The following TMEM266 variants were observed in gnomAD, a reference collection of about 807,000 sequenced individuals.
TMEM266 encodes the protein transmembrane protein 266.
TMEM266 carries 33 observed loss-of-function variants against 50.5 expected under a neutral mutation model. That is an observed-to-expected ratio of 0.65 (90% confidence interval 0.50 to 0.87). The LOEUF (loss-of-function observed/expected upper bound fraction) is 0.87. Ranked by LOEUF, TMEM266 falls within the 40% of genes least tolerant of loss-of-function variation. TMEM266 has a pLI of 0.00. For synonymous variants in TMEM266, 310 were observed against 292.3 expected, an observed-to-expected ratio of 1.06 and a Z score of -0.62; for missense variants, 655 against 695.1, an observed-to-expected ratio of 0.94 and a Z score of 0.65.
At chr15:76,105,017 A>G (rs2959835) in intron 1 of TMEM266, among the ~76,000 whole-genome samples, 43,762 of 152,016 alleles carry the variant, frequency 0.29, 6,662 homozygotes, top group African/African-American at 0.37. Context: ...CAGGTTCACA[A>G]CCTGTCCTTA....
Position 76,160,772 on chromosome 15 carries a change from G to A in TMEM266, c.456+604G>A, listed in dbSNP as rs1165779526. Among the ~76,000 whole-genome samples the A allele has an allele frequency of 2.6e-5, 4 of 152,200 alleles. 1 individual carries two copies. Among genetic ancestry groups the A allele is most frequent in the South Asian group, 4.1e-4 (2 of 4,832 alleles). ...TCAGGGAGCACGGATCGCCGTCAGCGTTGCTGGAGTCGGCTAGTAGAGACC... is the reference window on the plus strand; with the variant it reads ...TCAGGGAGCACGGATCGCCGTCAGCATTGCTGGAGTCGGCTAGTAGAGACC... On this transcript the variant is annotated intron_variant, in intron 5 of 10. Coordinates refer to ENST00000388942, the MANE Select transcript of TMEM266 (RefSeq NM_152335.3). The surrounding 1 kb of genome is among the most constrained non-coding windows in gnomAD (Gnocchi z 5.7).
chr15:76,077,253 C>T (rs951599291), intron 1 of TMEM266, among the ~76,000 whole-genome samples: 1 of 152,058 alleles, frequency 6.6e-6, no homozygotes, highest in East Asian at 1.9e-4. Flanking sequence ...TGTGAACCAC[C>T]GTGCCTGGCC....
chr15:76,179,042 C>G (rs2038349760), intron 8 of TMEM266, among the ~76,000 whole-genome samples: 1 of 152,162 alleles, frequency 6.6e-6, no homozygotes, highest in South Asian at 2.1e-4. Context: ...GACTGGGTAA[C>G]AGATACCCTG....
chr15:76,104,289 G>A (rs1054576711), intron 1 of TMEM266, among the ~76,000 whole-genome samples: 2 of 152,092 alleles, frequency 1.3e-5, no homozygotes, highest in Admixed American at 6.6e-5. Flanking sequence ...GCCACGTATG[G>A]CTCTTTAAAT....
intron 1 of TMEM266, among the ~76,000 whole-genome samples, chr15:76,070,116 T>C (rs992310230): frequency 6.6e-6 from 1 of 152,198 alleles, no homozygotes; most frequent in Admixed American, 6.5e-5. Flanking sequence ...GATATCTTAT[T>C]TTCCTTGTGT....
At position 76,203,859 on chromosome 15, in the gene TMEM266, T is replaced by C. The variant is rs975078871; in HGVS notation, c.1140T>C (p.Asn380=). The C allele has an allele frequency of 1.2e-6, 2 of 1,614,066 alleles. No homozygotes were observed. Among genetic ancestry groups the C allele is most frequent in the Admixed American group, 1.7e-5 (1 of 60,014 alleles). ...ACATGCCCCTCAAACTCGGCGGTAATGGCACCAGCGCCACCTCGGAGAGTG... is the reference window on the plus strand; with the variant it reads ...ACATGCCCCTCAAACTCGGCGGTAACGGCACCAGCGCCACCTCGGAGAGTG... The change falls in exon 11 of 11, where the codon AAT becomes AAC. Residue 380 remains asparagine, a synonymous_variant. Transcript: ENST00000388942.
At chr15:76,117,176 G>A (rs573484473) in intron 1 of TMEM266, among the ~76,000 whole-genome samples, 5 of 152,240 alleles carry the variant, frequency 3.3e-5, no homozygotes, top group Admixed American at 1.3e-4. Flanking sequence ...TGGGATTACA[G>A]GTGTGAGCCA....
At chr15:76,163,981 T>C (rs893694081) in intron 5 of TMEM266, among the ~76,000 whole-genome samples, 1 of 152,222 alleles carries the variant, frequency 6.6e-6, no homozygotes, top group Non-Finnish European at 1.5e-5. Context: ...CACTTCTACC[T>C]GATTCCAAAG....
chr15:76,203,731 T>C lies in TMEM266; in HGVS notation c.1022-10T>C, dbSNP rs376858769. 2.2e-4 allele frequency: 357 copies of C among 1,606,632 alleles called. No homozygotes were observed. The highest frequency in any genetic ancestry group is 2.9e-4 in the Non-Finnish European group (337 of 1,174,618). The stretch of plus-strand genomic sequence containing the variant: ...TTGAAGTGTGACCAAGATCCCCTCC[T>C]ACCTTGCAGACAGCGGTGTCCCAGA... On this transcript the variant is annotated splice_polypyrimidine_tract_variant and intron_variant, in intron 10 of 10. Coordinates refer to ENST00000388942, the MANE Select transcript of TMEM266 (RefSeq NM_152335.3).
chr15:76,077,976 T>C (rs1026881712), intron 1 of TMEM266, among the ~76,000 whole-genome samples: 8 of 152,090 alleles, frequency 5.3e-5, no homozygotes, highest in African/African-American at 1.9e-4. Flanking sequence ...GGTGACCTTC[T>C]TTGTAAGGGA....
intron 10 of TMEM266, 128 bp from the exon 11 acceptor site, chr15:76,203,613 C>A: frequency 1.2e-6 from 1 of 855,248 alleles, no homozygotes; most frequent in Non-Finnish European, 1.9e-6. Flanking sequence ...GGCCTCCTTC[C>A]ACAAAGGCAC....
At chr15:76,140,619 T>C (rs1252218393) in intron 3 of TMEM266, among the ~76,000 whole-genome samples, 3 of 152,132 alleles carry the variant, frequency 2.0e-5, no homozygotes, top group African/African-American at 7.2e-5. Flanking sequence ...ATTTCAGGGC[T>C]TTTCAATTTC....
chr15:76,163,690 C>G (rs893494591), intron 5 of TMEM266, among the ~76,000 whole-genome samples: 5 of 152,064 alleles, frequency 3.3e-5, no homozygotes, highest in African/African-American at 1.2e-4. Flanking sequence ...TGGCCAAGGC[C>G]AGGCCACCCT....
intron 1 of TMEM266, among the ~76,000 whole-genome samples, chr15:76,127,910 C>G (rs758089952): frequency 6.6e-6 from 1 of 152,080 alleles, no homozygotes; most frequent in Non-Finnish European, 1.5e-5. Flanking sequence ...TTCGAACACT[C>G]CAGACATACT....
chr15:76,187,370 A>T (rs2038502862), intron 8 of TMEM266, among the ~76,000 whole-genome samples: 1 of 152,222 alleles, frequency 6.6e-6, no homozygotes. Context: ...GGAAGCCATT[A>T]GCTGGCCTGC....
chr15:76,165,941 G>A (rs1411115675), intron 5 of TMEM266, among the ~76,000 whole-genome samples: 1 of 152,126 alleles, frequency 6.6e-6, no homozygotes, highest in African/African-American at 2.4e-5. Flanking sequence ...GGTGCTCCGG[G>A]GGAGTTTGTT....
chr15:76,141,076 A>G (rs1596130173), intron 3 of TMEM266, among the ~76,000 whole-genome samples: 1 of 152,160 alleles, frequency 6.6e-6, no homozygotes, highest in East Asian at 1.9e-4. Flanking sequence ...ATAGAGCCCT[A>G]TCTCTGTGAT....
intron 1 of TMEM266, among the ~76,000 whole-genome samples, chr15:76,118,079 C>T (rs888567190): frequency 2.0e-5 from 3 of 152,232 alleles, no homozygotes; most frequent in Non-Finnish European, 4.4e-5. Context: ...CAGATACATG[C>T]TTCAAAGTAA....
chr15:76,145,472 G>T (rs975913932), intron 3 of TMEM266, among the ~76,000 whole-genome samples: 1 of 152,182 alleles, frequency 6.6e-6, no homozygotes, highest in East Asian at 1.9e-4. Context: ...GAGCAACAAA[G>T]AACTTTCCCA....
Sources: gnomAD v4.1 joint callset for allele counts (sites outside exome capture counted in the v4.1 genomes callset) on GRCh38, gnomAD v4.1.1 for gene constraint, Gnocchi (gnomAD v3.1) non-coding constraint, MANE v1.5 for transcripts, NCBI Gene and HGNC (gene_info 2026-07-23, HGNC 2026-07-21) for gene names.